Variants in THADA observed in about 807,000 individuals in gnomAD.
THADA encodes tRNA (32-2'-O)-methyltransferase regulator THADA.
In THADA, 213 loss-of-function variants were observed where a neutral mutation model predicts 219.8. The ratio of observed to expected loss-of-function variants is 0.97; its 90% CI spans 0.87 to 1.09. The LOEUF is 1.09. Among genes scored for constraint, THADA ranks in the 50% least tolerant of loss-of-function variants. The pLI is 0.00. For missense variants in THADA, 2,956 were observed against 2,311.3 expected (o/e 1.28, Z -5.72); for synonymous variants, 1,018 against 828.9 (o/e 1.23, Z -3.92).
intron 30 of THADA, among the ~76,000 whole-genome samples, chr2:43,326,231 G>C (rs1360705745): frequency 1.3e-5 from 2 of 151,788 alleles, no homozygotes; most frequent in African/African-American, 4.8e-5. Context: ...AACCAGTCAT[G>C]CTAGAGTATG....
intron 30 of THADA, among the ~76,000 whole-genome samples, chr2:43,324,534 AC>A (rs1679103787): frequency 6.6e-6 from 1 of 152,124 alleles, no homozygotes; most frequent in African/African-American, 2.4e-5. Context: ...TCATGACTCC[AC>A]CCTTGAGGAC....
intron 29 of THADA, among the ~76,000 whole-genome samples, chr2:43,361,789 A>G (rs915219435): frequency 3.9e-5 from 6 of 152,228 alleles, no homozygotes; most frequent in Non-Finnish European, 8.8e-5. Flanking sequence ...TTTGTTATCA[A>G]GGTTGCCCTT....
chr2:43,592,561 T>A, intron 1 of THADA, 145 bp from the exon 2 acceptor site: 1 of 494,242 alleles, frequency 2.0e-6, no homozygotes, highest in Non-Finnish European at 3.5e-6. Context: ...TAGATGCCAG[T>A]GGCACCCTCC....
At position 43,286,964 on chromosome 2, in the gene THADA, A is replaced by G. The variant is rs778211793; in HGVS notation, c.5108T>C (p.Val1703Ala). 14 of 1,613,900 alleles carry G rather than the reference A, an allele frequency of 8.7e-6. No individual in the cohort carries two copies. Among genetic ancestry groups the G allele is most frequent in the African/African-American group, 1.3e-5 (1 of 74,934 alleles). Residue 1703 changes from valine to alanine, a missense_variant, in exon 35 of 38, where the codon GTT (valine) becomes GCT (alanine). Val to Ala is a moderately conservative substitution (Grantham distance 64, BLOSUM62 0). Coordinates refer to ENST00000405975, the MANE Select transcript of THADA (RefSeq NM_022065.5). ...HLPTESRLAV[V>A]EVLTSTTPLF... ...TGGTGTAGTACTGGTGAGGACTTCAACGACGGCCAGCCTAGACTCTGTAGG... is the reference window on the plus strand; with the variant it reads ...TGGTGTAGTACTGGTGAGGACTTCAGCGACGGCCAGCCTAGACTCTGTAGG...
At chr2:43,514,106 G>A (rs549969749) in intron 22 of THADA, among the ~76,000 whole-genome samples, 36 of 151,160 alleles carry the variant, frequency 2.4e-4, no homozygotes, top group Middle Eastern at 3.4e-3. Flanking sequence ...AAAACAAGCC[G>A]TAGTGAAATA....
chr2:43,587,002 GC>G lies in THADA; in HGVS notation c.303-1del. ...AAAAATCAGGCAGGCTATTTAGTGA[GC>G]TAGAAAAAGAAACAAATATTAAAAA... On this transcript the variant is annotated splice_acceptor_variant, in intron 4 of 37. Transcript: ENST00000405975. LOFTEE classifies it high-confidence loss of function. 2 of 1,611,638 alleles carry G rather than the reference GC, an allele frequency of 1.2e-6. No individual in the cohort carries two copies. Among genetic ancestry groups the G allele is most frequent in the Non-Finnish European group, 1.7e-6 (2 of 1,178,924 alleles).
chr2:43,482,151 CA>C (rs1573871527), intron 26 of THADA, among the ~76,000 whole-genome samples: 1 of 152,046 alleles, frequency 6.6e-6, no homozygotes, highest in Non-Finnish European at 1.5e-5. Flanking sequence ...GTCAGTCACG[CA>C]GCAATAAACA....
chr2:43,379,482 C>T (rs1671752882), intron 29 of THADA, among the ~76,000 whole-genome samples: 2 of 152,044 alleles, frequency 1.3e-5, no homozygotes, highest in African/African-American at 4.8e-5. Context: ...ACTATAAAAA[C>T]CACAATGAGC....
At chr2:43,283,532 C>G (rs1430405878) in intron 35 of THADA, among the ~76,000 whole-genome samples, 1 of 152,210 alleles carries the variant, frequency 6.6e-6, no homozygotes, top group East Asian at 1.9e-4. Context: ...CTGAGGTGCT[C>G]TCAGATGCAG....
At chr2:43,362,964 A>G (rs1273567016) in intron 29 of THADA, among the ~76,000 whole-genome samples, 1 of 152,228 alleles carries the variant, frequency 6.6e-6, no homozygotes, top group Non-Finnish European at 1.5e-5. Context: ...GGTCAGGATC[A>G]TCAAAATCAC....
chr2:43,279,030 A>G (rs1283730491), intron 36 of THADA, among the ~76,000 whole-genome samples: 4 of 152,172 alleles, frequency 2.6e-5, no homozygotes, highest in South Asian at 4.2e-4. Context: ...ACCCTCCCAG[A>G]TGGCCACTTG....
chr2:43,396,810 C>CA (rs1201330546), intron 29 of THADA, among the ~76,000 whole-genome samples: 21 of 146,140 alleles, frequency 1.4e-4, no homozygotes, highest in Middle Eastern at 6.9e-3. Flanking sequence ...GACCCTGTCT[C>CA]AAAAAAAAAG....
In THADA at chr2:43,586,392, A is replaced by G. The variant is rs1701031366; in HGVS notation, c.533+9T>C. The G allele has an allele frequency of 3.2e-6, 5 of 1,577,996 alleles. No homozygotes were observed. Among genetic ancestry groups the G allele is most frequent in the Admixed American group, 1.9e-5 (1 of 53,488 alleles). On this transcript the variant is annotated intron_variant, in intron 7 of 37. Transcript: ENST00000405975. ...TGTGCACACACAAATGCCAACATAT[A>G]GCACTTGCCTATTTTCTTCCAGGAT...
chr2:43,338,622 T>C (rs1204488949), intron 30 of THADA, among the ~76,000 whole-genome samples: 1 of 152,236 alleles, frequency 6.6e-6, no homozygotes, highest in East Asian at 1.9e-4. Context: ...TTTGTCTTTT[T>C]GTGATTGGCT....
intron 26 of THADA, among the ~76,000 whole-genome samples, chr2:43,456,960 A>G (rs556005883): frequency 6.6e-6 from 1 of 152,352 alleles, no homozygotes; most frequent in East Asian, 1.9e-4. Flanking sequence ...TAGGTCTGGC[A>G]TAAAAAATTT....
intron 24 of THADA, among the ~76,000 whole-genome samples, chr2:43,505,179 C>A (rs2105084047): frequency 6.6e-6 from 1 of 152,280 alleles, no homozygotes; most frequent in South Asian, 2.1e-4. Flanking sequence ...AAAGTGCTAG[C>A]ATATGCACTT....
At chr2:43,242,773 G>A (rs1196304507) in intron 36 of THADA, among the ~76,000 whole-genome samples, 1 of 152,218 alleles carries the variant, frequency 6.6e-6, no homozygotes, top group Non-Finnish European at 1.5e-5. Flanking sequence ...ACAGGTGTGA[G>A]CCACTGTGCC....
intron 36 of THADA, among the ~76,000 whole-genome samples, chr2:43,241,584 A>G (rs1377933769): frequency 6.7e-6 from 1 of 149,734 alleles, no homozygotes; most frequent in Non-Finnish European, 1.5e-5. Context: ...TACAGCTCAC[A>G]TGGATTTAAA....
chr2:43,297,568 T>C (rs1286689748), intron 31 of THADA, among the ~76,000 whole-genome samples: 8 of 74,418 alleles, frequency 1.1e-4, no homozygotes, highest in African/African-American at 3.7e-4. Context: ...GCCCCCCGCC[T>C]GGCCAGCCGT....
Sources: gnomAD v4.1 joint callset for allele counts (sites outside exome capture counted in the v4.1 genomes callset) on GRCh38, gnomAD v4.1.1 for gene constraint, MANE v1.5 for transcripts, NCBI Gene and HGNC (gene_info 2026-07-23, HGNC 2026-07-21) for gene names.